SGSM1: variants seen among roughly 807,000 people sequenced by gnomAD.
SGSM1 encodes the protein RUN and TBC1 domain containing 2.
A neutral mutation model predicts 133.8 loss-of-function variants in SGSM1; 73 were observed. That is an observed-to-expected ratio of 0.55 (90% CI 0.45 to 0.66). The LOEUF is 0.66. Among genes scored for constraint, SGSM1 ranks in the 30% least tolerant of loss-of-function variants. The pLI is 0.00. For synonymous variants in SGSM1, 563 were observed against 573.0 expected (o/e 0.98, Z 0.25); for missense variants, 1,213 against 1,448.1 (o/e 0.84, Z 2.64).
At chr22:24,908,814 AGAAAG>A (rs998009478) in intron 21 of SGSM1, among the ~76,000 whole-genome samples, 3 of 147,732 alleles carry the variant, frequency 2.0e-5, no homozygotes, top group African/African-American at 7.7e-5. Context: ...AAAAAAAAAA[AGAAAG>A]AAAGACAACC....
At chr22:24,828,806 G>A (rs528773508) in intron 2 of SGSM1, among the ~76,000 whole-genome samples, 8 of 152,300 alleles carry the variant, frequency 5.3e-5, no homozygotes, top group South Asian at 4.1e-4. Context: ...TCACAATAGC[G>A]AAGGCATGGA....
intron 1 of SGSM1, 40 bp downstream of exon 1, chr22:24,806,384 G>A: frequency 6.6e-7 from 1 of 1,507,294 alleles, no homozygotes; most frequent in Non-Finnish European, 8.9e-7. Flanking sequence ...GGAGGGCAGC[G>A]CCCGGCCCCC....
intron 23 of SGSM1, among the ~76,000 whole-genome samples, chr22:24,919,040 CTTTTTTTTT>C (rs143985087): frequency 1.4e-5 from 1 of 71,778 alleles, no homozygotes; most frequent in Non-Finnish European, 2.5e-5. Context: ...CACACCCGGC[CTTTTTTTTT>C]TTTTTTTTTT....
rs944081137 is a variant in SGSM1 at position 24,862,758 on chromosome 22, G to A, written c.926+2918G>A. On this transcript the variant is annotated intron_variant, in intron 9 of 24. Transcript: ENST00000400358. Reference sequence around the variant, plus strand: ...TGAGCAAGGAGATGGATGGACATACGCTATGGAACCAAGCCTTTGCTCCAC... The same window carrying A: ...TGAGCAAGGAGATGGATGGACATACACTATGGAACCAAGCCTTTGCTCCAC... Among the ~76,000 whole-genome samples, 12 of 152,172 alleles carry A rather than the reference G, an allele frequency of 7.9e-5. No homozygotes were observed. The East Asian group carries it at 1.2e-3, about 15-fold the overall frequency.
intron 2 of SGSM1, among the ~76,000 whole-genome samples, chr22:24,819,967 C>T (rs7293112): frequency 0.14 from 21,996 of 152,064 alleles, 2,059 homozygotes; most frequent in Middle Eastern, 0.21. Flanking sequence ...TCCAAGTCTT[C>T]GTGTATCTTC....
At chr22:24,879,254 A>C (rs1932188730) in intron 13 of SGSM1, among the ~76,000 whole-genome samples, 1 of 152,170 alleles carries the variant, frequency 6.6e-6, no homozygotes, top group African/African-American at 2.4e-5. Context: ...AGTTGTGGAG[A>C]GCGTGATTTC....
chr22:24,811,700 C>G (rs1927751159), intron 2 of SGSM1, among the ~76,000 whole-genome samples: 2 of 151,822 alleles, frequency 1.3e-5, no homozygotes, highest in Non-Finnish European at 2.9e-5. Flanking sequence ...ACCCCCATCT[C>G]TACAGAAAAC....
chr22:24,886,779 A>T, intron 16 of SGSM1, 51 bp downstream of exon 16: 1 of 1,540,994 alleles, frequency 6.5e-7, no homozygotes, highest in African/African-American at 1.4e-5. Context: ...AAGGAGCCAG[A>T]TACTGTGGGG....
intron 2 of SGSM1, among the ~76,000 whole-genome samples, chr22:24,834,551 G>C (rs540603977): frequency 6.6e-6 from 1 of 152,152 alleles, no homozygotes; most frequent in East Asian, 1.9e-4. Context: ...AGTTTGCCGG[G>C]TACATGGAAT....
In SGSM1 at chr22:24,907,460, A is replaced by G. The variant is rs181165678; in HGVS notation, c.2818+2273A>G. ...AAGACTTAGTGTTGTTAAGGTAGCAATGCTCTCCAATGATCTGTAAAGTCA... is the reference window on the plus strand; with the variant it reads ...AAGACTTAGTGTTGTTAAGGTAGCAGTGCTCTCCAATGATCTGTAAAGTCA... On this transcript the variant is annotated intron_variant, in intron 21 of 24. Coordinates refer to ENST00000400358, the MANE Select transcript of SGSM1 (RefSeq NM_001098497.3). Among the ~76,000 whole-genome samples, 648 of 152,160 alleles carry G rather than the reference A, an allele frequency of 4.3e-3. 6 individuals are homozygous for G. Among genetic ancestry groups the G allele is most frequent in the Middle Eastern group, 0.01 (3 of 294 alleles).
intron 2 of SGSM1, among the ~76,000 whole-genome samples, chr22:24,832,437 A>G (rs1269005218): frequency 6.6e-6 from 1 of 152,116 alleles, no homozygotes; most frequent in African/African-American, 2.4e-5. Flanking sequence ...TCTGCCCACT[A>G]TTTACTATAT....
In SGSM1 at chr22:24,919,843, G is replaced by A. The variant is rs201954600; in HGVS notation, c.3043G>A (p.Val1015Ile). Residue 1015 changes from valine (V) to isoleucine (I), a missense_variant, in exon 24 of 25, where the codon GTC becomes ATC. Physicochemically the swap from Val to Ile is conservative, Grantham distance 29. Coordinates refer to ENST00000400358, the MANE Select transcript of SGSM1 (RefSeq NM_001098497.3). ...CTTGGCAGAACTCGTCTATGATGAC[G>A]TCTTCTTGGTCTGGGAGACCATCTG... ...DFKRELVYDD[V>I]FLVWETIWAA... The A allele has an allele frequency of 3.6e-5, 58 of 1,613,908 alleles. No individual in the cohort carries two copies. The highest frequency in any genetic ancestry group is 2.8e-4 in the Admixed American group (17 of 60,008).
At chr22:24,807,427 T>C (rs1160460717) in intron 2 of SGSM1, among the ~76,000 whole-genome samples, 1 of 152,046 alleles carries the variant, frequency 6.6e-6, no homozygotes, top group Non-Finnish European at 1.5e-5. Context: ...TGTGTGTGTA[T>C]ATTGTGTGGT....
intron 21 of SGSM1, among the ~76,000 whole-genome samples, chr22:24,907,244 G>C (rs2123724648): frequency 6.7e-6 from 1 of 148,888 alleles, no homozygotes; most frequent in East Asian, 2.0e-4. Context: ...TGGGTGACAA[G>C]AGCAAAACTC....
At position 24,898,059 on chromosome 22, in the gene SGSM1, G is replaced by A. The variant is rs980603823; in HGVS notation, c.2110G>A (p.Val704Met). ...GCCCAAGATCCCCAATGGGAACCTA[G>A]TGAACGGCACTTGTTCCCCAGACTC... is the stretch of plus-strand genomic sequence containing the variant. ...KQPKIPNGNL[V>M]NGTCSPDSGH... The change falls in exon 19 of 25, where the codon GTG becomes ATG. Residue 704 changes from valine (V) to methionine (M), a missense_variant. Transcript: ENST00000400358. 21 of 1,613,848 alleles carry A rather than the reference G, an allele frequency of 1.3e-5. No individual in the cohort carries two copies. The Middle Eastern group carries it at 1.2e-3, about 88-fold the overall frequency.
intron 10 of SGSM1, 105 bp from the exon 11 acceptor site, chr22:24,868,271 C>T: frequency 6.8e-7 from 1 of 1,467,880 alleles, no homozygotes. Context: ...AGCAGGATCC[C>T]TGGGTCTGGC....
chr22:24,851,712 TTGA>T (rs1488418210), intron 5 of SGSM1, among the ~76,000 whole-genome samples: 1 of 152,094 alleles, frequency 6.6e-6, no homozygotes, highest in Non-Finnish European at 1.5e-5. Flanking sequence ...CGTGGTGGCG[TTGA>T]TAATTTTCTC....
intron 12 of SGSM1, among the ~76,000 whole-genome samples, chr22:24,869,844 A>G (rs9612797): frequency 0.13 from 20,336 of 152,218 alleles, 1,536 homozygotes; most frequent in South Asian, 0.26. Context: ...TAGTAAGCGC[A>G]TCACCATTGC....
Position 24,884,167 on chromosome 22 carries a change from G to A in SGSM1, c.1610G>A (p.Arg537Lys). 1 of 1,614,000 alleles carries A rather than the reference G, an allele frequency of 6.2e-7. No individual in the cohort carries two copies. The highest frequency in any genetic ancestry group is 2.2e-5 in the East Asian group (1 of 44,884). The stretch of plus-strand genomic sequence containing the variant: ...GATGCTGGACAGGGACTGACAGCCA[G>A]GATCTGGGAGCAGTACCTTCACGAC... ...PCDAGQGLTA[R>K]IWEQYLHDST... The change falls in exon 15 of 25, where the codon AGG (arginine) becomes AAG (lysine). Residue 537 changes from arginine (R) to lysine (K), a missense_variant. Physicochemically the swap from Arg to Lys is conservative, Grantham distance 26. Coordinates refer to ENST00000400358, the MANE Select transcript of SGSM1 (RefSeq NM_001098497.3).
Sources: allele counts gnomAD v4.1 joint callset (sites outside exome capture counted in the v4.1 genomes callset), GRCh38; gene constraint gnomAD v4.1.1; transcripts MANE v1.5; gene names NCBI Gene and HGNC (gene_info 2026-07-23, HGNC 2026-07-21).